Variants in SOX6 observed in about 807,000 individuals in gnomAD.
SOX6 encodes SRY-box transcription factor 6, also known as transcription factor SOX-6.
SOX6 carries 11 observed loss-of-function variants against 97.8 expected under a neutral mutation model. The observed-to-expected ratio is 0.11, with a 90% CI of 0.07 to 0.19. The LOEUF (loss-of-function observed/expected upper bound fraction) is 0.19, where lower values mean the gene tolerates loss of function less well. SOX6 is among the 10% of genes least tolerant of loss of function. SOX6 has a pLI of 1.00. For synonymous variants in SOX6, 360 were observed against 371.4 expected (o/e 0.97, Z 0.35); for missense variants, 810 against 1,039.5 (o/e 0.78, Z 3.04).
At chr11:16,213,617 T>C (rs1374657936) in intron 4 of SOX6, among the ~76,000 whole-genome samples, 1 of 152,180 alleles carries the variant, frequency 6.6e-6, no homozygotes, top group African/African-American at 2.4e-5. Context: ...AAAGCTGATA[T>C]GCTCCACCAA....
chr11:16,040,330 C>A (rs1188109105), intron 12 of SOX6, among the ~76,000 whole-genome samples: 5 of 151,868 alleles, frequency 3.3e-5, no homozygotes, highest in African/African-American at 1.2e-4. Flanking sequence ...ATGAGTTTGG[C>A]CTTTTAAGCT....
intron 1 of SOX6, among the ~76,000 whole-genome samples, chr11:16,452,464 G>A (rs1859736061): frequency 6.6e-6 from 1 of 152,122 alleles, no homozygotes; most frequent in South Asian, 2.1e-4. Context: ...TATTCACAAA[G>A]ACTATACAAG....
intron 4 of SOX6, among the ~76,000 whole-genome samples, chr11:16,599,243 T>A (rs2133976571): frequency 6.6e-6 from 1 of 152,212 alleles, no homozygotes; most frequent in East Asian, 1.9e-4. Context: ...ATAAAATACA[T>A]CAATGAATTC....
chr11:16,550,081 G>C (rs1274929251), intron 4 of SOX6, among the ~76,000 whole-genome samples: 2 of 152,118 alleles, frequency 1.3e-5, no homozygotes, highest in African/African-American at 4.8e-5. Flanking sequence ...GTCCATCAAT[G>C]ATAGACTGAA....
chr11:16,561,871 T>C lies in SOX6; in HGVS notation n.609+50210A>G, dbSNP rs563461917. Among the ~76,000 whole-genome samples, 12 of 150,966 alleles carry C rather than the reference T, an allele frequency of 7.9e-5. No individual in the cohort carries two copies. In the South Asian group the frequency reaches 8.6e-4, roughly 11 times the overall value. ...AGCCTCCCTAGGAGCTAGGACTACA[T>C]GTACACATCACCACACCTGGCTAAT... On this transcript the variant is annotated intron_variant and non_coding_transcript_variant, in intron 4 of 5. Transcript: ENST00000524520.
chr11:16,061,445 A>G (rs376008955), intron 9 of SOX6, among the ~76,000 whole-genome samples: 4 of 151,940 alleles, frequency 2.6e-5, no homozygotes, highest in South Asian at 4.1e-4. Context: ...AAGAACCGGT[A>G]TTGTTAAAAT....
intron 4 of SOX6, among the ~76,000 whole-genome samples, chr11:16,220,272 C>T (rs1852499041): frequency 6.6e-6 from 1 of 151,766 alleles, no homozygotes; most frequent in African/African-American, 2.4e-5. Flanking sequence ...ATACCAGAAG[C>T]AAAATTATAT....
chr11:16,458,858 C>T (rs187220597), intron 1 of SOX6, among the ~76,000 whole-genome samples: 1 of 152,158 alleles, frequency 6.6e-6, no homozygotes, highest in African/African-American at 2.4e-5. Flanking sequence ...AAACTACTGA[C>T]TGCAATGCAC....
intron 6 of SOX6, among the ~76,000 whole-genome samples, chr11:16,160,163 C>T (rs964337487): frequency 5.9e-5 from 9 of 152,096 alleles, no homozygotes; most frequent in African/African-American, 2.2e-4. Context: ...CACTTGTAAA[C>T]AGGAAAGAGA....
At chr11:16,283,690 T>C (rs952348548) in intron 3 of SOX6, 15 of 226,946 alleles carry the variant, frequency 6.6e-5, no homozygotes, top group African/African-American at 9.5e-5. Context: ...AAGCACTACA[T>C]AGCAAAAGAA....
At chr11:16,111,706 T>C in intron 7 of SOX6, 97 bp downstream of exon 7, 1 of 1,464,668 alleles carries the variant, frequency 6.8e-7, no homozygotes. Flanking sequence ...TTTTTATTCA[T>C]AGTTCCCTGG....
chr11:16,508,273 A>C (rs1198085169), intron 4 of SOX6, among the ~76,000 whole-genome samples: 1 of 152,146 alleles, frequency 6.6e-6, no homozygotes, highest in Admixed American at 6.5e-5. Context: ...GATGTGGAGA[A>C]AAGAAAACTT....
In SOX6 at chr11:16,502,285, T is replaced by G. The variant is rs1252262304; in HGVS notation, n.610-25897A>C. 4.6e-5 allele frequency among the ~76,000 whole-genome samples: 7 copies of G among 151,732 alleles called. No homozygotes were observed. The East Asian group carries it at 9.7e-4, about 21-fold the overall frequency. On this transcript the variant is annotated intron_variant and non_coding_transcript_variant, in intron 4 of 5. Transcript: ENST00000524520. Reference sequence around the variant, plus strand: ...AATGAGAACACATGGACACAGGAAGTGGAACATCACACACTGGGCCTGTTG... The same window carrying G: ...AATGAGAACACATGGACACAGGAAGGGGAACATCACACACTGGGCCTGTTG...
chr11:16,431,221 A>G (rs144808699), intron 1 of SOX6, among the ~76,000 whole-genome samples: 2 of 152,220 alleles, frequency 1.3e-5, no homozygotes, highest in East Asian at 3.9e-4. Context: ...GCCATGCTTC[A>G]TATCACTCAT....
intron 2 of SOX6, among the ~76,000 whole-genome samples, chr11:16,715,633 T>C (rs1848214555): frequency 6.6e-6 from 1 of 151,920 alleles, no homozygotes; most frequent in South Asian, 2.1e-4. Context: ...ATTGTAGGAA[T>C]AGATAATAAA....
chr11:16,160,250 GC>G (rs1406066998), intron 6 of SOX6, among the ~76,000 whole-genome samples: 2 of 152,116 alleles, frequency 1.3e-5, no homozygotes, highest in Admixed American at 6.5e-5. Flanking sequence ...TCAGCAGGAA[GC>G]CCTGAAGTCA....
intron 2 of SOX6, among the ~76,000 whole-genome samples, chr11:16,320,449 T>C (rs1855883919): frequency 6.6e-6 from 1 of 152,162 alleles, no homozygotes; most frequent in African/African-American, 2.4e-5. Context: ...TATTTCGGAT[T>C]ATTGTCATTG....
intron 4 of SOX6, among the ~76,000 whole-genome samples, chr11:16,535,963 G>A (rs1861302256): frequency 6.6e-6 from 1 of 152,070 alleles, no homozygotes; most frequent in African/African-American, 2.4e-5. Context: ...AGTACTTTAG[G>A]ACATGACCCA....
chr11:16,111,109 T>C (rs1564960201), intron 7 of SOX6, among the ~76,000 whole-genome samples: 1 of 152,200 alleles, frequency 6.6e-6, no homozygotes, highest in East Asian at 1.9e-4. Flanking sequence ...AACATATCTT[T>C]AAACATTTAA....
Sources: allele counts gnomAD v4.1 joint callset (sites outside exome capture counted in the v4.1 genomes callset), GRCh38; gene constraint gnomAD v4.1.1; transcripts MANE v1.5; gene names NCBI Gene and HGNC (gene_info 2026-07-23, HGNC 2026-07-21).